CLYBL: variants seen among roughly 807,000 people sequenced by gnomAD.
The protein encoded by CLYBL is citramalyl-CoA lyase, mitochondrial.
Under a neutral mutation model 38.9 loss-of-function variants are expected in CLYBL, and 31 were observed. The ratio of observed to expected loss-of-function variants is 0.80; its 90% confidence interval spans 0.60 to 1.08. CLYBL has a LOEUF of 1.08. Ranked by LOEUF, CLYBL falls within the 50% of genes least tolerant of loss-of-function variation. The pLI is 0.00. For synonymous variants in CLYBL, 171 were observed against 158.6 expected, an observed-to-expected ratio of 1.08 and a Z score of -0.59; for missense variants, 434 against 411.6, an observed-to-expected ratio of 1.05 and a Z score of -0.47.
chr13:99,777,162 C>T (rs966260000), intron 2 of CLYBL, among the ~76,000 whole-genome samples: 7 of 151,174 alleles, frequency 4.6e-5, no homozygotes, highest in African/African-American at 9.7e-5. Context: ...TACAGGCCAC[C>T]GCACCCAGCC....
At chr13:99,812,741 G>A (rs536510073) in intron 2 of CLYBL, among the ~76,000 whole-genome samples, 10 of 152,142 alleles carry the variant, frequency 6.6e-5, no homozygotes, top group Non-Finnish European at 1.3e-4. Context: ...AACACCAGCC[G>A]GTTAACTGGG....
rs2051701427 is a variant in CLYBL at position 99,864,880 on chromosome 13, T to A, written c.603T>A (p.Val201=). The change falls in exon 5 of 9, where the codon GTT becomes GTA. Residue 201 remains valine, a synonymous_variant. Transcript: ENST00000339105. ...TAGGTCTCTTTCTAGATGCAGTCGT[T>A]TTTGGAGGAGAAGACTTTCGAGCCA... The part of the protein sequence containing the change: ...PQVGLFLDAV[V]FGGEDFRASI... The A allele has an allele frequency of 6.5e-7, 1 of 1,546,448 alleles. No homozygotes were observed.
chr13:99,840,320 T>C (rs2051040664), intron 2 of CLYBL, among the ~76,000 whole-genome samples: 2 of 151,726 alleles, frequency 1.3e-5, no homozygotes, highest in South Asian at 4.2e-4. Flanking sequence ...TCAAAAAGGT[T>C]ACATATGCAG....
At chr13:99,615,705 TTAAA>T (rs2046698191) in intron 1 of CLYBL, among the ~76,000 whole-genome samples, 1 of 152,228 alleles carries the variant, frequency 6.6e-6, no homozygotes, top group Non-Finnish European at 1.5e-5. Flanking sequence ...AGCGTATCAA[TTAAA>T]TAACTCACTT....
At chr13:99,781,369 A>G (rs533578609) in intron 2 of CLYBL, among the ~76,000 whole-genome samples, 3 of 151,462 alleles carry the variant, frequency 2.0e-5, no homozygotes, top group African/African-American at 7.3e-5. Flanking sequence ...ATGGGGTTTC[A>G]CTGTGTTAGC....
At chr13:99,901,165 C>T (rs959638413), downstream of CLYBL, among the ~76,000 whole-genome samples, 4 of 152,212 alleles carry the variant, frequency 2.6e-5, no homozygotes, top group Non-Finnish European at 4.4e-5. Context: ...CTCGACACCA[C>T]CTCTTGGCCG....
At chr13:99,805,282 G>A (rs1436717993) in intron 2 of CLYBL, among the ~76,000 whole-genome samples, 1 of 152,182 alleles carries the variant, frequency 6.6e-6, no homozygotes, top group African/African-American at 2.4e-5. Context: ...ATCCCCAGAA[G>A]TGGGATTGCT....
chr13:99,680,552 A>T lies in CLYBL; in HGVS notation c.62+73795A>T, dbSNP rs150963996. 1.5e-3 allele frequency among the ~76,000 whole-genome samples: 230 copies of T among 152,320 alleles called. 2 individuals carry two copies. Among genetic ancestry groups the T allele is most frequent in the African/African-American group, 5.3e-3 (219 of 41,578 alleles). The stretch of plus-strand genomic sequence containing the variant: ...GGCCAGAGAAGAAAATAAACCCCTC[A>T]TCCTCAATCCAGAACCCAGAGTTTG... On this transcript the variant is annotated intron_variant, in intron 1 of 8. Transcript: ENST00000339105.
At chr13:99,626,477 C>A (rs1309657745) in intron 1 of CLYBL, among the ~76,000 whole-genome samples, 1 of 152,220 alleles carries the variant, frequency 6.6e-6, no homozygotes, top group African/African-American at 2.4e-5. Flanking sequence ...CAGTCTGTAA[C>A]CTGGCCTAAG....
At chr13:99,636,723 CT>C (rs2047022870) in intron 1 of CLYBL, among the ~76,000 whole-genome samples, 1 of 152,042 alleles carries the variant, frequency 6.6e-6, no homozygotes, top group East Asian at 1.9e-4. Context: ...TGCCTTGGAT[CT>C]TCTTTTCTTG....
chr13:99,816,085 AT>A (rs2050441423), intron 2 of CLYBL, among the ~76,000 whole-genome samples: 1 of 152,176 alleles, frequency 6.6e-6, no homozygotes, highest in South Asian at 2.1e-4. Context: ...TGTTCAAGGC[AT>A]TGCACTGGTT....
chr13:99,766,786 G>T (rs112555079), intron 1 of CLYBL, among the ~76,000 whole-genome samples: 3 of 152,152 alleles, frequency 2.0e-5, no homozygotes, highest in African/African-American at 7.2e-5. Context: ...CTTCCTGAAT[G>T]GGGGAGGTCC....
intron 2 of CLYBL, among the ~76,000 whole-genome samples, chr13:99,815,019 C>A (rs958483302): frequency 2.6e-5 from 4 of 152,130 alleles, no homozygotes; most frequent in African/African-American, 7.2e-5. Context: ...GATTGAGACC[C>A]CATCTCAAAG....
intron 2 of CLYBL, among the ~76,000 whole-genome samples, chr13:99,829,604 T>G (rs1198645777): frequency 2.6e-5 from 4 of 152,158 alleles, no homozygotes; most frequent in African/African-American, 7.2e-5. Context: ...AGAAAGGAAG[T>G]GAGGAGAATT....
intron 2 of CLYBL, among the ~76,000 whole-genome samples, chr13:99,784,451 T>C (rs112111264): frequency 5.8e-3 from 51 of 8,794 alleles, no homozygotes; most frequent in African/African-American, 6.7e-3. Context: ...AATTCTCTCT[T>C]TTTTTTTTTT....
At chr13:99,641,772 A>G (rs2047098605) in intron 1 of CLYBL, among the ~76,000 whole-genome samples, 1 of 152,154 alleles carries the variant, frequency 6.6e-6, no homozygotes, top group Non-Finnish European at 1.5e-5. Context: ...AGATCGCACC[A>G]CTGCACTCCA....
intron 7 of CLYBL, among the ~76,000 whole-genome samples, chr13:99,871,990 CAA>C (rs113487766): frequency 3.3e-4 from 39 of 119,306 alleles, no homozygotes; most frequent in Non-Finnish European, 3.7e-4. Context: ...TTCCCCCCTG[CAA>C]AAAAAAAAAA....
At chr13:99,648,766 T>C (rs2047211450) in intron 1 of CLYBL, among the ~76,000 whole-genome samples, 1 of 152,212 alleles carries the variant, frequency 6.6e-6, no homozygotes, top group Admixed American at 6.5e-5. Flanking sequence ...GATAATAGAA[T>C]GTTAGCTACC....
Position 99,711,420 on chromosome 13 carries a change from T to G in CLYBL, c.63-61404T>G, listed in dbSNP as rs1392563173. ...GAGTCCGTCTTTTTTTTTTTTTTTT[T>G]TTTTTTGAGACGGAGTTTCGCTCTC... On this transcript the variant is annotated intron_variant, in intron 1 of 8. Transcript: ENST00000339105. Among the ~76,000 whole-genome samples, 6 of 147,202 alleles carry G rather than the reference T, an allele frequency of 4.1e-5. No homozygotes were observed. The Admixed American group carries it at 4.1e-4, about 10-fold the overall frequency.
Sources: gnomAD v4.1 joint callset for allele counts (sites outside exome capture counted in the v4.1 genomes callset) on GRCh38, gnomAD v4.1.1 for gene constraint, MANE v1.5 for transcripts, NCBI Gene and HGNC (gene_info 2026-07-23, HGNC 2026-07-21) for gene names.